PPP3CC: variants seen among roughly 807,000 people sequenced by gnomAD.
The protein encoded by PPP3CC is serine/threonine-protein phosphatase 2B catalytic subunit gamma isoform.
In PPP3CC, 35 loss-of-function variants were observed where a neutral mutation model predicts 60.3. That is an observed-to-expected ratio of 0.58 (90% CI 0.44 to 0.77). The LOEUF (loss-of-function observed/expected upper bound fraction) is 0.77. Ranked by LOEUF, PPP3CC falls within the 30% of genes least tolerant of loss-of-function variation. The pLI, the probability that PPP3CC is intolerant of heterozygous loss-of-function variation, is 0.00. For synonymous variants in PPP3CC, 206 were observed against 224.3 expected (o/e 0.92, Z 0.73); for missense variants, 570 against 628.9 (o/e 0.91, Z 1.00).
At chr8:22,526,406 T>C (rs1214063730) in intron 8 of PPP3CC, among the ~76,000 whole-genome samples, 3 of 152,180 alleles carry the variant, frequency 2.0e-5, no homozygotes, top group South Asian at 4.1e-4. Flanking sequence ...CTAAATAAAA[T>C]ACATACACGT....
intron 10 of PPP3CC, among the ~76,000 whole-genome samples, chr8:22,528,951 T>C (rs1216834430): frequency 6.6e-6 from 1 of 152,220 alleles, no homozygotes; most frequent in African/African-American, 2.4e-5. Flanking sequence ...ATTGGAGTTT[T>C]TCCCAAGTTT....
At chr8:22,459,339 T>A (rs1837299189) in intron 1 of PPP3CC, among the ~76,000 whole-genome samples, 1 of 152,230 alleles carries the variant, frequency 6.6e-6, no homozygotes, top group African/African-American at 2.4e-5. Context: ...GAAATATGTG[T>A]TATAATTTGT....
At chr8:22,501,150 A>T (rs1838750363) in intron 4 of PPP3CC, among the ~76,000 whole-genome samples, 1 of 152,080 alleles carries the variant, frequency 6.6e-6, no homozygotes, top group South Asian at 2.1e-4. Context: ...ACATAGTGAG[A>T]CCCTGTCTCA....
At chr8:22,484,778 A>G (rs1056244017) in intron 3 of PPP3CC, among the ~76,000 whole-genome samples, 1 of 152,216 alleles carries the variant, frequency 6.6e-6, no homozygotes, top group Non-Finnish European at 1.5e-5. Context: ...ATGAAGGTCA[A>G]AATGATTTTC....
chr8:22,474,553 A>C (rs145223375), intron 1 of PPP3CC, among the ~76,000 whole-genome samples: 13 of 152,094 alleles, frequency 8.5e-5, no homozygotes, highest in Non-Finnish European at 1.9e-4. Context: ...AAAATGCAAA[A>C]ATTAGCCAGG....
At chr8:22,451,556 A>C (rs1258109722) in intron 1 of PPP3CC, among the ~76,000 whole-genome samples, 1 of 152,170 alleles carries the variant, frequency 6.6e-6, no homozygotes, top group Non-Finnish European at 1.5e-5. Context: ...TCCTGACCTC[A>C]TGTGATGGGT....
intron 6 of PPP3CC, among the ~76,000 whole-genome samples, chr8:22,518,197 G>C (rs1213912890): frequency 3.3e-5 from 5 of 151,872 alleles, no homozygotes; most frequent in Admixed American, 3.3e-4. Flanking sequence ...TGAGTAGCTG[G>C]GACTACAGGA....
chr8:22,450,807 A>G (rs1355443920), intron 1 of PPP3CC, among the ~76,000 whole-genome samples: 2 of 89,390 alleles, frequency 2.2e-5, no homozygotes, highest in Non-Finnish European at 4.6e-5. Context: ...ATTTTTATTT[A>G]TTTATTTATT....
intron 8 of PPP3CC, 81 bp from the exon 9 acceptor site, chr8:22,527,311 C>T: frequency 1.4e-6 from 2 of 1,449,266 alleles, no homozygotes; most frequent in East Asian, 2.3e-5. Flanking sequence ...TTCTGTGTAG[C>T]AGGTACACAG....
At chr8:22,462,574 T>A (rs1837392935) in intron 1 of PPP3CC, among the ~76,000 whole-genome samples, 1 of 151,630 alleles carries the variant, frequency 6.6e-6, no homozygotes, top group Admixed American at 6.6e-5. Flanking sequence ...TTTTCTTTTT[T>A]CTTTTTTTTT....
At chr8:22,540,071 C>T (rs942940017) in intron 13 of PPP3CC, among the ~76,000 whole-genome samples, 1 of 152,174 alleles carries the variant, frequency 6.6e-6, no homozygotes, top group African/African-American at 2.4e-5. Context: ...AAAGTTGAAT[C>T]GGAAGGAAAA....
At position 22,540,851 on chromosome 8, in the gene PPP3CC, T is replaced by A; in HGVS notation, c.*49T>A. On this transcript the variant is annotated 3_prime_UTR_variant, in exon 14 of 14. Transcript: ENST00000240139. ...GTGGATCTAAAACTCAAGAACAAAT[T>A]CTATTTATTTATTATTGGAAAATGA... 1 of 1,422,596 alleles carries A rather than the reference T, an allele frequency of 7.0e-7. No individual in the cohort carries two copies. The highest frequency in any genetic ancestry group is 1.4e-5 in the African/African-American group (1 of 69,100). 88.1% of individuals were successfully genotyped at this position (1,422,596 alleles called of 1,614,324 possible).
chr8:22,456,320 A>G (rs970885726), intron 1 of PPP3CC, among the ~76,000 whole-genome samples: 7 of 152,212 alleles, frequency 4.6e-5, no homozygotes, highest in South Asian at 2.1e-4. Flanking sequence ...TATGTAGTCA[A>G]TGTATATTGT....
At chr8:22,452,061 T>C (rs1199023303) in intron 1 of PPP3CC, among the ~76,000 whole-genome samples, 1 of 150,218 alleles carries the variant, frequency 6.7e-6, no homozygotes, top group Admixed American at 6.7e-5. Context: ...GGCCTCACTC[T>C]GTTGTCTAGG....
intron 4 of PPP3CC, among the ~76,000 whole-genome samples, chr8:22,503,490 GA>G (rs1352947002): frequency 6.6e-6 from 1 of 151,990 alleles, no homozygotes; most frequent in Non-Finnish European, 1.5e-5. Flanking sequence ...TTTTTTAGGT[GA>G]CATTTTTCTT....
intron 1 of PPP3CC, among the ~76,000 whole-genome samples, chr8:22,469,799 C>G (rs1174012656): frequency 3.9e-5 from 6 of 152,004 alleles, no homozygotes; most frequent in East Asian, 1.9e-4. Context: ...AGAGACAAGC[C>G]AGCCCCACTG....
rs1839068142 is a variant in PPP3CC at position 22,510,957 on chromosome 8, A to G, written c.485-129A>G. On this transcript the variant is annotated intron_variant, in intron 4 of 13. Transcript: ENST00000240139. Reference sequence around the variant, plus strand: ...CAACTTTTCAAAAGTATCTTTACAAAGATAATTGTGCTTTCAAATCATCTA... The same window carrying G: ...CAACTTTTCAAAAGTATCTTTACAAGGATAATTGTGCTTTCAAATCATCTA... 3 of 1,020,698 alleles carry G rather than the reference A, an allele frequency of 2.9e-6. No homozygotes were observed. In the Admixed American group the frequency reaches 7.4e-5, roughly 25 times the overall value. The allele number at this position is 1,020,698 out of a possible 1,614,324, so 63.2% of individuals were successfully genotyped here. A position where few individuals can be genotyped will look rare whatever the true frequency, so the allele number is the denominator to read the frequency against.
chr8:22,491,921 A>G (rs536800135), intron 3 of PPP3CC, among the ~76,000 whole-genome samples: 1 of 152,210 alleles, frequency 6.6e-6, no homozygotes, highest in East Asian at 1.9e-4. Flanking sequence ...AACTTTGACT[A>G]TTTTTGTCTG....
In PPP3CC at chr8:22,528,594, T is replaced by A; in HGVS notation, c.1141+17T>A. ...AAGCAGAAGGTAAACTTTTCCTCCT[T>A]TGAACTAAAACTAGAAAGAGGTTTG... is the stretch of plus-strand genomic sequence containing the variant. On this transcript the variant is annotated intron_variant, in intron 10 of 13. Coordinates refer to ENST00000240139, the MANE Select transcript of PPP3CC (RefSeq NM_005605.5). 2 of 1,499,342 alleles carry A rather than the reference T, an allele frequency of 1.3e-6. No homozygotes were observed. The highest frequency in any genetic ancestry group is 1.8e-6 in the Non-Finnish European group (2 of 1,112,496). 92.9% of individuals were successfully genotyped at this position (1,499,342 alleles called of 1,614,324 possible).
Sources: gnomAD v4.1 joint callset for allele counts (sites outside exome capture counted in the v4.1 genomes callset) on GRCh38, gnomAD v4.1.1 for gene constraint, MANE v1.5 for transcripts, NCBI Gene and HGNC (gene_info 2026-07-23, HGNC 2026-07-21) for gene names.